Variants in MTSS1 observed in about 807,000 individuals in gnomAD.
MTSS1 encodes the protein MTSS I-BAR domain containing 1, also known as protein MTSS 1.
Under a neutral mutation model 79.0 loss-of-function variants are expected in MTSS1, and 18 were observed. The observed-to-expected ratio is 0.23, with a 90% confidence interval of 0.16 to 0.34. MTSS1 has a LOEUF of 0.34. MTSS1 is among the 10% of genes least tolerant of loss of function. MTSS1 has a pLI of 1.00. For missense variants in MTSS1, 815 were observed against 986.2 expected (o/e 0.83, Z 2.33); for synonymous variants, 341 against 368.6 (o/e 0.93, Z 0.86).
At chr8:124,675,570 G>A (rs1339032967) in intron 3 of MTSS1, among the ~76,000 whole-genome samples, 1 of 152,240 alleles carries the variant, frequency 6.6e-6, no homozygotes, top group African/African-American at 2.4e-5. Flanking sequence ...CATTCACAAT[G>A]TGAGTAATGA....
intron 2 of MTSS1, among the ~76,000 whole-genome samples, chr8:124,703,450 G>A (rs569869941): frequency 1.3e-5 from 2 of 152,184 alleles, no homozygotes; most frequent in Admixed American, 6.5e-5. Flanking sequence ...TCGTCACCAT[G>A]CCCAGCTAAT....
intron 3 of MTSS1, among the ~76,000 whole-genome samples, chr8:124,658,181 T>A (rs1338584665): frequency 6.6e-6 from 1 of 152,166 alleles, no homozygotes; most frequent in Non-Finnish European, 1.5e-5. Context: ...CGCCCAAATC[T>A]CATCTTGAAT....
At chr8:124,635,525 T>G (rs572132520) in intron 3 of MTSS1, among the ~76,000 whole-genome samples, 10 of 152,362 alleles carry the variant, frequency 6.6e-5, no homozygotes, top group Admixed American at 5.9e-4. Flanking sequence ...GGAACGCCTC[T>G]GTTCCTATAA....
Position 124,553,411 on chromosome 8 carries a change from G to A in MTSS1, c.1849C>T (p.Pro617Ser). 3.1e-6 allele frequency: 5 copies of A among 1,606,744 alleles called. No individual in the cohort carries two copies. Among genetic ancestry groups the A allele is most frequent in the Non-Finnish European group, 4.3e-6 (5 of 1,174,790 alleles). Residue 617 changes from proline (P) to serine (S), a missense_variant, in exon 14 of 14, where the codon CCT (proline) becomes TCT (serine). Around this residue, in one of 2 missense-constraint regions of MTSS1, gnomAD observed 590 missense variants for 620.8 expected, o/e 0.95. Transcript: ENST00000518547. The surrounding 1 kb of genome is among the most constrained non-coding windows in gnomAD (Gnocchi z 6.0). ...TCTGGGACGGTTGGGGTCTTGACAGGGATCACGGGTGTCTTGATGGGGATG... is the reference window on the plus strand; with the variant it reads ...TCTGGGACGGTTGGGGTCTTGACAGAGATCACGGGTGTCTTGATGGGGATG... Reference protein sequence around the residue: ...GPIPIKTPVIPVKTPTVPDLP... With the variant: ...GPIPIKTPVISVKTPTVPDLP...
chr8:124,584,992 C>G, intron 6 of MTSS1, 95 bp downstream of exon 6: 1 of 1,044,900 alleles, frequency 9.6e-7, no homozygotes. Context: ...GGCCGTCATA[C>G]TTAAGGAAGT....
intron 3 of MTSS1, among the ~76,000 whole-genome samples, chr8:124,677,793 T>G (rs1825547382): frequency 6.6e-6 from 1 of 152,230 alleles, no homozygotes; most frequent in African/African-American, 2.4e-5. Flanking sequence ...ACCCCTGTTC[T>G]GTGAATCTCA....
At chr8:124,599,605 G>T (rs941807024) in intron 3 of MTSS1, among the ~76,000 whole-genome samples, 2 of 152,044 alleles carry the variant, frequency 1.3e-5, no homozygotes, top group African/African-American at 4.8e-5. Context: ...TATAACAAAT[G>T]TGAGTGTAGG....
intron 3 of MTSS1, among the ~76,000 whole-genome samples, chr8:124,667,681 G>T (rs1036974557): frequency 2.2e-4 from 34 of 152,138 alleles, no homozygotes; most frequent in African/African-American, 8.2e-4. Flanking sequence ...ACAACTCCGG[G>T]AGGAGGTATT....
At chr8:124,678,264 G>C (rs2134879248) in intron 3 of MTSS1, among the ~76,000 whole-genome samples, 1 of 152,318 alleles carries the variant, frequency 6.6e-6, no homozygotes, top group Admixed American at 6.5e-5. Context: ...CTGCTCTTTA[G>C]CTCTGAGACC....
At chr8:124,659,467 A>C (rs1010139285) in intron 3 of MTSS1, among the ~76,000 whole-genome samples, 4 of 152,148 alleles carry the variant, frequency 2.6e-5, no homozygotes, top group African/African-American at 9.7e-5. Flanking sequence ...TTAGATTGAA[A>C]CACATGAATG....
At chr8:124,606,287 T>G (rs1834869961) in intron 3 of MTSS1, among the ~76,000 whole-genome samples, 1 of 151,206 alleles carries the variant, frequency 6.6e-6, no homozygotes, top group African/African-American at 2.4e-5. Flanking sequence ...ATTCTGGGAT[T>G]ACAGGCACCC....
At chr8:124,631,301 T>C (rs1815895022) in intron 3 of MTSS1, among the ~76,000 whole-genome samples, 1 of 152,204 alleles carries the variant, frequency 6.6e-6, no homozygotes, top group Non-Finnish European at 1.5e-5. Flanking sequence ...ATCTCCCTAA[T>C]GACACAAAAC....
chr8:124,692,583 CCTT>C (rs1176113565), intron 3 of MTSS1, among the ~76,000 whole-genome samples: 7 of 152,158 alleles, frequency 4.6e-5, no homozygotes, highest in Admixed American at 1.3e-4. Context: ...CAACCCAGCA[CCTT>C]CTCCCCTCAG....
rs114759111 is a variant in MTSS1, at chr8:124,711,391, G to C, written c.73-7200C>G. On this transcript the variant is annotated intron_variant, in intron 1 of 13. Coordinates refer to ENST00000518547, the MANE Select transcript of MTSS1 (RefSeq NM_014751.6). Reference sequence around the variant, plus strand: ...TTAGAGCTGAGGAAACTGATGCCCAGAGAGGTTGGAGCAGAGAGCTCCAGG... The same window carrying C: ...TTAGAGCTGAGGAAACTGATGCCCACAGAGGTTGGAGCAGAGAGCTCCAGG... Among the ~76,000 whole-genome samples, 149 of 152,322 alleles carry C rather than the reference G, an allele frequency of 9.8e-4. 1 individual carries two copies. Among genetic ancestry groups the C allele is most frequent in the African/African-American group, 3.5e-3 (146 of 41,578 alleles).
chr8:124,696,608 T>C (rs1412943701), intron 3 of MTSS1, among the ~76,000 whole-genome samples: 3 of 152,046 alleles, frequency 2.0e-5, no homozygotes, highest in Non-Finnish European at 4.4e-5. Context: ...ATCCCAGTAC[T>C]TTGGAAGGCC....
intron 3 of MTSS1, among the ~76,000 whole-genome samples, chr8:124,655,991 T>G (rs2134262765): frequency 6.6e-6 from 1 of 152,316 alleles, no homozygotes; most frequent in East Asian, 1.9e-4. Flanking sequence ...GGTTGAACTT[T>G]GGTAGGCAGA....
Position 124,683,222 on chromosome 8 carries a change from A to G in MTSS1, c.208+16304T>C, listed in dbSNP as rs994181465. Among the ~76,000 whole-genome samples, 2 of 152,244 alleles carry G rather than the reference A, an allele frequency of 1.3e-5. No homozygotes were observed. Among genetic ancestry groups the G allele is most frequent in the African/African-American group, 4.8e-5 (2 of 41,468 alleles). ...TAACGTTTAATGTGTAATGTTTAAC[A>G]TGTGGTTAAAAAGGAAGCAGCCCAC... is the stretch of plus-strand genomic sequence containing the variant. On this transcript the variant is annotated intron_variant, in intron 3 of 13. Transcript: ENST00000518547. This position sits in a 1 kb window ranked among gnomAD's most constrained non-coding sequence, Gnocchi z 4.5.
chr8:124,727,991 G>A lies in MTSS1; in HGVS notation c.-36C>T, dbSNP rs1415773750. 1 of 1,594,950 alleles carries A rather than the reference G, an allele frequency of 6.3e-7. No homozygotes were observed. Among genetic ancestry groups the A allele is most frequent in the Admixed American group, 1.7e-5 (1 of 58,866 alleles). ...CCGGCAGGGCGAGGGCACACACGCGGGGCCGCTGGACTGCGCGCGGGGCCG... is the reference window on the plus strand; with the variant it reads ...CCGGCAGGGCGAGGGCACACACGCGAGGCCGCTGGACTGCGCGCGGGGCCG... On this transcript the variant is annotated 5_prime_UTR_variant, in exon 1 of 14. Coordinates refer to ENST00000518547, the MANE Select transcript of MTSS1 (RefSeq NM_014751.6). The surrounding 1 kb of genome is among the most constrained non-coding windows in gnomAD (Gnocchi z 4.7).
At chr8:124,639,672 C>T (rs1230769009) in intron 3 of MTSS1, among the ~76,000 whole-genome samples, 2 of 152,110 alleles carry the variant, frequency 1.3e-5, no homozygotes, top group Non-Finnish European at 2.9e-5. Flanking sequence ...CCATGTTGCC[C>T]AGGCTGGTTT....
Sources: allele counts gnomAD v4.1 joint callset (sites outside exome capture counted in the v4.1 genomes callset), GRCh38; gene constraint gnomAD v4.1.1; regional missense constraint gnomAD v4.1.1; non-coding constraint Gnocchi (gnomAD v3.1); transcripts MANE v1.5; gene names NCBI Gene and HGNC (gene_info 2026-07-23, HGNC 2026-07-21).